The following AXDND1 variants were observed in gnomAD, a reference collection of about 807,000 sequenced individuals.
The protein encoded by AXDND1 is axonemal dynein light chain domain-containing protein 1.
A neutral mutation model predicts 137.5 loss-of-function variants in AXDND1; 110 were observed. The observed-to-expected ratio is 0.80, with a 90% confidence interval of 0.69 to 0.94. The LOEUF is 0.94. Among genes scored for constraint, AXDND1 ranks in the 40% least tolerant of loss-of-function variants. The pLI, the probability that AXDND1 is intolerant of heterozygous loss-of-function variation, is 0.00. For synonymous variants in AXDND1, 414 were observed against 399.7 expected, an observed-to-expected ratio of 1.04 and a Z score of -0.43; for missense variants, 1,191 against 1,169.8, an observed-to-expected ratio of 1.02 and a Z score of -0.26.
chr1:179,489,355 TTTAAA>T (rs1418416770), intron 18 of AXDND1, among the ~76,000 whole-genome samples: 2 of 152,190 alleles, frequency 1.3e-5, no homozygotes, highest in Non-Finnish European at 2.9e-5. Context: ...TAATATAACT[TTTAAA>T]TTAAGATAAT....
At chr1:179,427,939 A>C (rs2125300047) in intron 12 of AXDND1, among the ~76,000 whole-genome samples, 1 of 138,866 alleles carries the variant, frequency 7.2e-6, no homozygotes. Flanking sequence ...GACCCAATGT[A>C]AGAGCAATCC....
intron 12 of AXDND1, among the ~76,000 whole-genome samples, chr1:179,425,835 C>CTTT (rs11300946): frequency 2.0e-5 from 2 of 101,096 alleles, no homozygotes; most frequent in Non-Finnish European, 4.1e-5. Context: ...TGTGGAAGCT[C>CTTT]TTTTTTTTTT....
rs1668143654 is a variant in AXDND1, at chr1:179,372,571, GT to G, written c.374+2495del. Among the ~76,000 whole-genome samples, 3 of 148,928 alleles carry G rather than the reference GT, an allele frequency of 2.0e-5. 1 individual carries two copies. In the South Asian group the frequency reaches 6.6e-4, roughly 33 times the overall value. On this transcript the variant is annotated intron_variant, in intron 4 of 25. Transcript: ENST00000367618. ...TATTATGTTATGATTAAGAATCAAA[GT>G]TGTTTTGTTTTGTTTTTTGTTTTTT...
intron 24 of AXDND1, among the ~76,000 whole-genome samples, chr1:179,534,326 G>C (rs1218290563): frequency 6.6e-6 from 1 of 152,162 alleles, no homozygotes; most frequent in Non-Finnish European, 1.5e-5. Context: ...CACATCTCAA[G>C]CTGGTTTCTT....
At chr1:179,515,569 G>A (rs956646870) in intron 21 of AXDND1, among the ~76,000 whole-genome samples, 23 of 152,198 alleles carry the variant, frequency 1.5e-4, no homozygotes, top group African/African-American at 5.5e-4. Flanking sequence ...ATCTTTTTGC[G>A]ATGAATTTCC....
At chr1:179,378,855 C>T (rs1054254600) in intron 5 of AXDND1, 98 bp downstream of exon 5, 19 of 1,026,238 alleles carry the variant, frequency 1.9e-5, no homozygotes, top group Non-Finnish European at 2.1e-5. Context: ...TATAAAACAA[C>T]GTCATACTAT....
intron 12 of AXDND1, among the ~76,000 whole-genome samples, chr1:179,422,984 G>A (rs1343202211): frequency 1.3e-5 from 2 of 151,976 alleles, no homozygotes; most frequent in Non-Finnish European, 2.9e-5. Flanking sequence ...GGCTGGTCTC[G>A]AACTCCTGAC....
At chr1:179,531,458 G>A (rs1387958690) in intron 23 of AXDND1, among the ~76,000 whole-genome samples, 1 of 152,112 alleles carries the variant, frequency 6.6e-6, no homozygotes, top group Non-Finnish European at 1.5e-5. Flanking sequence ...GCCCAGGAAT[G>A]AGCCAAGTCA....
At chr1:179,367,665 A>T (rs576537251) in intron 2 of AXDND1, among the ~76,000 whole-genome samples, 17 of 152,300 alleles carry the variant, frequency 1.1e-4, no homozygotes, top group Admixed American at 7.2e-4. Flanking sequence ...TGAACCCGGG[A>T]GGCAGAGGTT....
Position 179,379,441 on chromosome 1 carries a change from T to C in AXDND1, c.540T>C (p.Ile180=), listed in dbSNP as rs1391535911. 2 of 1,613,812 alleles carry C rather than the reference T, an allele frequency of 1.2e-6. No homozygotes were observed. The highest frequency in any genetic ancestry group is 1.7e-6 in the Non-Finnish European group (2 of 1,179,794). The change falls in exon 6 of 26, where the codon ATT becomes ATC. Residue 180 remains isoleucine (I), a synonymous_variant. Coordinates refer to ENST00000367618, the MANE Select transcript of AXDND1 (RefSeq NM_144696.6). ...CTTTGATTCCTGAAGAATTTCATAT[T>C]GTGTCAAGTACAGGAGTTTCAGGTT... The part of the protein sequence containing the change: ...TDTLIPEEFH[I]VSSTGVSGLE...
rs893447989 is a variant in AXDND1 at position 179,486,972 on chromosome 1, T to C, written c.2091+3751T>C. ...GGATCAAATCCACACATATCAATAC[T>C]AACCTTGAACATAAATGGGCTAAAT... On this transcript the variant is annotated intron_variant, in intron 18 of 25. Transcript: ENST00000367618. Among the ~76,000 whole-genome samples the C allele has an allele frequency of 1.3e-5, 2 of 148,592 alleles. 1 individual carries two copies. The highest frequency in any genetic ancestry group is 5.1e-5 in the African/African-American group (2 of 38,980).
intron 12 of AXDND1, among the ~76,000 whole-genome samples, chr1:179,418,317 G>T (rs1655025192): frequency 6.6e-6 from 1 of 152,210 alleles, no homozygotes; most frequent in Non-Finnish European, 1.5e-5. Context: ...TAAGGTCACA[G>T]ATCAACAGGA....
At chr1:179,440,746 A>G (rs1268326931) in intron 15 of AXDND1, among the ~76,000 whole-genome samples, 2 of 152,246 alleles carry the variant, frequency 1.3e-5, no homozygotes, top group Admixed American at 6.5e-5. Context: ...GCTGCACGAG[A>G]GCGAATAACT....
intron 16 of AXDND1, among the ~76,000 whole-genome samples, chr1:179,464,296 G>T (rs1237451154): frequency 6.6e-6 from 1 of 152,154 alleles, no homozygotes; most frequent in Non-Finnish European, 1.5e-5. Context: ...AGGAGCTCTT[G>T]TAAGGCAGGC....
chr1:179,432,339 G>A lies in AXDND1; in HGVS notation c.1560G>A (p.Gln520=). The A allele has an allele frequency of 6.4e-7, 1 of 1,569,770 alleles. No individual in the cohort carries two copies. Among genetic ancestry groups the A allele is most frequent in the Non-Finnish European group, 8.7e-7 (1 of 1,155,012 alleles). The change falls in exon 15 of 26, where the codon CAG becomes CAA. Residue 520 remains glutamine, a synonymous_variant. Coordinates refer to ENST00000367618, the MANE Select transcript of AXDND1 (RefSeq NM_144696.6). Reference sequence around the variant, plus strand: ...TTCTTTTAGACTTCAAACAGTGGCAGAAGGTAAGACTTTTTAATAAAGAGC... The same window carrying A: ...TTCTTTTAGACTTCAAACAGTGGCAAAAGGTAAGACTTTTTAATAAAGAGC... ...NSVLLDFKQW[Q]KILNEKKEEF...
intron 3 of AXDND1, among the ~76,000 whole-genome samples, chr1:179,369,201 C>A (rs1295932384): frequency 6.6e-6 from 1 of 152,134 alleles, no homozygotes; most frequent in African/African-American, 2.4e-5. Context: ...CCTCAGCTTC[C>A]TGAGTAGCTG....
In AXDND1 at chr1:179,486,139, A is replaced by AAAAAAAAAAAAAAAAAAAAAAAAAAAACT. The variant is rs149119239; in HGVS notation, c.2091+2920_2091+2921insAAAAAAAAAAAAAAAAAAAAAAAAACTAA. Among the ~76,000 whole-genome samples the AAAAAAAAAAAAAAAAAAAAAAAAAAAACT allele has an allele frequency of 2.5e-4, 22 of 87,796 alleles. 1 individual carries two copies. The highest frequency in any genetic ancestry group is 2.4e-3 in the East Asian group (4 of 1,702). The allele number at this position is 87,796 out of a possible 152,430, so 57.6% of individuals were successfully genotyped here. The stretch of plus-strand genomic sequence containing the variant: ...TGTCTCAAAAAAAAAAAAAAAAAAA[A>AAAAAAAAAAAAAAAAAAAAAAAAAAAACT]AACCTGATAGAAATGAAAAACACAC... On this transcript the variant is annotated intron_variant, in intron 18 of 25. Coordinates refer to ENST00000367618, the MANE Select transcript of AXDND1 (RefSeq NM_144696.6).
At chr1:179,524,264 T>G (rs1240511267) in intron 21 of AXDND1, among the ~76,000 whole-genome samples, 1 of 152,222 alleles carries the variant, frequency 6.6e-6, no homozygotes, top group Non-Finnish European at 1.5e-5. Flanking sequence ...AAGGAATCAC[T>G]ACACTGTTTT....
intron 25 of AXDND1, among the ~76,000 whole-genome samples, chr1:179,539,446 T>C (rs1671900972): frequency 6.6e-6 from 1 of 152,242 alleles, no homozygotes; most frequent in African/African-American, 2.4e-5. Context: ...CCTTCACTTA[T>C]GAAGCTTAGT....
Sources: gnomAD v4.1 joint callset for allele counts (sites outside exome capture counted in the v4.1 genomes callset) on GRCh38, gnomAD v4.1.1 for gene constraint, MANE v1.5 for transcripts, NCBI Gene and HGNC (gene_info 2026-07-23, HGNC 2026-07-21) for gene names.